Variants in FRMD4A observed in about 807,000 individuals in gnomAD.
The protein encoded by FRMD4A is FERM domain containing 4A.
In FRMD4A, 29 loss-of-function variants were observed where a neutral mutation model predicts 129.1. That is an observed-to-expected ratio of 0.22 (90% CI 0.17 to 0.31). The LOEUF (loss-of-function observed/expected upper bound fraction) is 0.31, where lower values mean the gene tolerates loss of function less well. Ranked by LOEUF, FRMD4A falls within the 10% of genes least tolerant of loss-of-function variation. FRMD4A has a pLI of 1.00. For missense variants in FRMD4A, 1,272 were observed against 1,375.8 expected, an observed-to-expected ratio of 0.92 and a Z score of 1.19; for synonymous variants, 634 against 571.6, an observed-to-expected ratio of 1.11 and a Z score of -1.56.
rs747364370 is a variant in FRMD4A, at chr10:13,884,208, TCACACACA to T, written c.46-25304_46-25297del. Among the ~76,000 whole-genome samples the T allele has an allele frequency of 1.3e-3, 106 of 81,672 alleles. 2 individuals are homozygous for T. Among genetic ancestry groups the T allele is most frequent in the Admixed American group, 2.7e-3 (22 of 8,194 alleles). The allele number at this position is 81,672 out of a possible 152,430, so 53.6% of individuals were successfully genotyped here. A position where few individuals can be genotyped will look rare whatever the true frequency, so the allele number is the denominator to read the frequency against. ...CACACACACACACTCACACACACAC[TCACACACA>T]CACACACACACACACACACACACAC... On this transcript the variant is annotated intron_variant, in intron 2 of 24. Transcript: ENST00000357447.
At chr10:13,689,813 C>T (rs148234275) in intron 15 of FRMD4A, among the ~76,000 whole-genome samples, 5 of 152,108 alleles carry the variant, frequency 3.3e-5, no homozygotes, top group African/African-American at 9.6e-5. Context: ...TCCTCCCCAC[C>T]GCCCCAAACC....
At chr10:14,048,224 G>T (rs1200919100) in intron 2 of FRMD4A, among the ~76,000 whole-genome samples, 2 of 152,162 alleles carry the variant, frequency 1.3e-5, no homozygotes, top group Non-Finnish European at 2.9e-5. Flanking sequence ...ACCCGGAGTG[G>T]TCCCCATGGA....
intron 12 of FRMD4A, among the ~76,000 whole-genome samples, chr10:13,717,502 T>G (rs1029899997): frequency 6.6e-6 from 1 of 151,936 alleles, no homozygotes; most frequent in Non-Finnish European, 1.5e-5. Context: ...TTAGTAGAGA[T>G]GGGGTTTCGC....
chr10:14,158,520 G>A (rs1840712301), intron 2 of FRMD4A, among the ~76,000 whole-genome samples: 1 of 152,098 alleles, frequency 6.6e-6, no homozygotes, highest in Non-Finnish European at 1.5e-5. Context: ...GCTGAGGCAG[G>A]AGGATCGCTT....
intron 2 of FRMD4A, among the ~76,000 whole-genome samples, chr10:13,875,176 T>G (rs574991580): frequency 3.9e-4 from 59 of 152,276 alleles, no homozygotes; most frequent in African/African-American, 1.4e-3. Context: ...GAAATACAGC[T>G]GGACACCGTC....
chr10:14,298,397 T>C (rs570479143), intron 2 of FRMD4A, among the ~76,000 whole-genome samples: 2 of 152,160 alleles, frequency 1.3e-5, no homozygotes, highest in East Asian at 3.9e-4. Flanking sequence ...AAAAGCACAA[T>C]GAAAAAAACA....
chr10:14,008,396 A>G, intron 2 of FRMD4A: 1 of 1,025,428 alleles, frequency 9.8e-7, no homozygotes, highest in Non-Finnish European at 1.2e-6. Context: ...AGCGCCCACG[A>G]AGCAGCATCT....
chr10:14,100,212 C>T (rs942220649), intron 2 of FRMD4A, among the ~76,000 whole-genome samples: 4 of 152,144 alleles, frequency 2.6e-5, no homozygotes, highest in East Asian at 1.9e-4. Flanking sequence ...AATCACTTAT[C>T]GCATGTGGTG....
intron 2 of FRMD4A, among the ~76,000 whole-genome samples, chr10:14,089,638 A>AC (rs1554754944): frequency 8.4e-6 from 1 of 118,458 alleles, no homozygotes; most frequent in Non-Finnish European, 1.7e-5. Context: ...AACAAAAAAA[A>AC]ACAAACAAAA....
chr10:13,925,586 T>TTTTTTA (rs2095123971), intron 2 of FRMD4A, among the ~76,000 whole-genome samples: 1 of 92,450 alleles, frequency 1.1e-5, no homozygotes, highest in South Asian at 4.3e-4. Flanking sequence ...TTTTTTTTTT[T>TTTTTTA]TTTTTTTTTT....
intron 2 of FRMD4A, among the ~76,000 whole-genome samples, chr10:14,176,466 C>CTTTTTTT (rs35347674): frequency 1.4e-5 from 1 of 72,832 alleles, no homozygotes; most frequent in Non-Finnish European, 2.6e-5. Flanking sequence ...TCACCTCCAT[C>CTTTTTTT]TTTTTTTTTT....
At chr10:14,206,092 T>G (rs1245993274) in intron 2 of FRMD4A, among the ~76,000 whole-genome samples, 2 of 152,202 alleles carry the variant, frequency 1.3e-5, no homozygotes, top group Non-Finnish European at 2.9e-5. Flanking sequence ...CACTGTGTGA[T>G]GGACAGTGTG....
intron 2 of FRMD4A, among the ~76,000 whole-genome samples, chr10:14,200,950 C>T (rs1237114631): frequency 1.3e-5 from 2 of 152,196 alleles, no homozygotes; most frequent in African/African-American, 2.4e-5. Context: ...CTGTCAGGAG[C>T]GTTTCATTCC....
At chr10:13,794,618 T>C (rs147744053) in intron 5 of FRMD4A, among the ~76,000 whole-genome samples, 1 of 152,222 alleles carries the variant, frequency 6.6e-6, no homozygotes, top group African/African-American at 2.4e-5. Flanking sequence ...TCCAGAAAGA[T>C]CTGCTTCCAT....
intron 2 of FRMD4A, among the ~76,000 whole-genome samples, chr10:14,325,627 C>A (rs1843243546): frequency 6.6e-6 from 1 of 152,240 alleles, no homozygotes; most frequent in East Asian, 1.9e-4. Context: ...CTGTAAATTT[C>A]TCATTGTTAC....
chr10:13,895,219 C>G (rs1263599701), intron 2 of FRMD4A, among the ~76,000 whole-genome samples: 3 of 152,048 alleles, frequency 2.0e-5, no homozygotes, highest in African/African-American at 4.8e-5. Context: ...GTTATTTTTC[C>G]ATATCTTCCC....
chr10:14,249,073 G>T (rs980375475), intron 2 of FRMD4A, among the ~76,000 whole-genome samples: 1 of 152,216 alleles, frequency 6.6e-6, no homozygotes, highest in East Asian at 1.9e-4. Context: ...ATAACCGGCC[G>T]GATGCAGTGG....
chr10:14,162,637 TTTTG>T (rs1389223210), intron 2 of FRMD4A, among the ~76,000 whole-genome samples: 4 of 137,442 alleles, frequency 2.9e-5, no homozygotes, highest in African/African-American at 9.3e-5. Flanking sequence ...TCTGTTTTTT[TTTTG>T]TTTTTTTTTT....
At chr10:14,053,751 G>A (rs868221142) in intron 2 of FRMD4A, among the ~76,000 whole-genome samples, 2 of 152,132 alleles carry the variant, frequency 1.3e-5, no homozygotes, top group Admixed American at 6.5e-5. Flanking sequence ...GGGCATGGTG[G>A]CTCATGCCTA....
Sources: gnomAD v4.1 joint callset for allele counts (sites outside exome capture counted in the v4.1 genomes callset) on GRCh38, gnomAD v4.1.1 for gene constraint, MANE v1.5 for transcripts, NCBI Gene and HGNC (gene_info 2026-07-23, HGNC 2026-07-21) for gene names.